The following TMEM184B variants were observed in gnomAD, a reference collection of about 807,000 sequenced individuals.
TMEM184B encodes putative MAPK-activating protein FM08.
A neutral mutation model predicts 41.8 loss-of-function variants in TMEM184B; 17 were observed. The ratio of observed to expected loss-of-function variants is 0.41; its 90% CI spans 0.28 to 0.61. TMEM184B has a LOEUF of 0.61. Ranked by LOEUF, TMEM184B falls within the 20% of genes least tolerant of loss-of-function variation. The pLI is 0.34. For synonymous variants in TMEM184B, 240 were observed against 229.5 expected (o/e 1.05, Z -0.41); for missense variants, 393 against 557.8 (o/e 0.70, Z 2.98).
At chr22:38,243,631 A>T (rs959615356) in intron 3 of TMEM184B, among the ~76,000 whole-genome samples, 4 of 152,114 alleles carry the variant, frequency 2.6e-5, no homozygotes, top group Admixed American at 6.6e-5. Flanking sequence ...CCAGAGCCCC[A>T]GTTAAGCCCT....
chr22:38,257,724 C>T (rs1212716746), intron 1 of TMEM184B, among the ~76,000 whole-genome samples: 1 of 152,084 alleles, frequency 6.6e-6, no homozygotes. Context: ...AAGTAATATA[C>T]GTGTATACTT....
At chr22:38,272,603 G>A (rs1272350083) in intron 1 of TMEM184B, 2 of 985,566 alleles carry the variant, frequency 2.0e-6, no homozygotes, top group Non-Finnish European at 2.4e-6. Context: ...CCCCGGACAG[G>A]TCCGATTACA....
At chr22:38,238,930 G>A (rs1050542283) in intron 3 of TMEM184B, among the ~76,000 whole-genome samples, 12 of 152,230 alleles carry the variant, frequency 7.9e-5, no homozygotes, top group Admixed American at 2.6e-4. Context: ...CTTGGGAGGT[G>A]AGAATGAGCT....
intron 1 of TMEM184B, among the ~76,000 whole-genome samples, chr22:38,250,178 C>G (rs578038424): frequency 6.6e-6 from 1 of 152,208 alleles, no homozygotes; most frequent in East Asian, 1.9e-4. Context: ...TTCCTGGGTG[C>G]GGCGGCCTGC....
intron 3 of TMEM184B, among the ~76,000 whole-genome samples, chr22:38,242,967 C>T (rs959041852): frequency 1.4e-5 from 2 of 145,496 alleles, no homozygotes; most frequent in Non-Finnish European, 1.5e-5. Flanking sequence ...GAGGCTGAGG[C>T]AGGGGAATCA....
intron 1 of TMEM184B, among the ~76,000 whole-genome samples, chr22:38,252,407 A>G (rs1194679112): frequency 1.3e-5 from 2 of 152,198 alleles, no homozygotes; most frequent in African/African-American, 4.8e-5. Context: ...TGCCAGGAAC[A>G]TGACAGAGGG....
intron 3 of TMEM184B, among the ~76,000 whole-genome samples, chr22:38,237,872 T>G (rs2091815903): frequency 6.6e-6 from 1 of 151,504 alleles, no homozygotes; most frequent in South Asian, 2.1e-4. Flanking sequence ...AATGGCGCGA[T>G]CTCACTGCAA....
chr22:38,219,840 C>T lies in TMEM184B; in HGVS notation c.*1629G>A. The T allele has an allele frequency of 1.0e-6, 1 of 985,456 alleles. No individual in the cohort carries two copies. The highest frequency in any genetic ancestry group is 4.7e-5 in the South Asian group (1 of 21,286). The allele number at this position is 985,456 out of a possible 1,614,324, so 61.0% of individuals were successfully genotyped here. A position where few individuals can be genotyped will look rare whatever the true frequency, so the allele number is the denominator to read the frequency against. On this transcript the variant is annotated 3_prime_UTR_variant, in exon 9 of 9. Transcript: ENST00000361906. ...ACCCTCCCGGGCAGCTTGGGCCCAACTGCTCCGCCCCCCCAAGATGGAGGG... is the reference window on the plus strand; with the variant it reads ...ACCCTCCCGGGCAGCTTGGGCCCAATTGCTCCGCCCCCCCAAGATGGAGGG...
chr22:38,226,227 C>G lies in TMEM184B; in HGVS notation c.617+552G>C, dbSNP rs2091434271. Among the ~76,000 whole-genome samples the G allele has an allele frequency of 1.3e-5, 2 of 151,690 alleles. No homozygotes were observed. The highest frequency in any genetic ancestry group is 4.2e-4 in the South Asian group (2 of 4,800). On this transcript the variant is annotated intron_variant, in intron 6 of 8. Coordinates refer to ENST00000361906, the MANE Select transcript of TMEM184B (RefSeq NM_012264.5). The surrounding 1 kb of genome is among the most constrained non-coding windows in gnomAD (Gnocchi z 4.6). ...CCCGAGTAGCTGGGATTATAGGCAC[C>G]CGTCACCACGCCCGGTTAATTTTTT...
intron 1 of TMEM184B, among the ~76,000 whole-genome samples, chr22:38,255,527 T>A (rs2092263316): frequency 6.6e-6 from 1 of 152,216 alleles, no homozygotes; most frequent in Admixed American, 6.5e-5. Context: ...GTAATCACTG[T>A]GGACATTTAT....
In TMEM184B at chr22:38,246,248, G is replaced by A. The variant is rs188748689; in HGVS notation, c.193-148C>T. 6.5e-4 allele frequency: 642 copies of A among 993,884 alleles called. 3 individuals carry two copies. Among genetic ancestry groups the A allele is most frequent in the African/African-American group, 5.6e-3 (344 of 61,148 alleles). The allele number at this position is 993,884 out of a possible 1,614,324, so 61.6% of individuals were successfully genotyped here. A position where few individuals can be genotyped will look rare whatever the true frequency, so the allele number is the denominator to read the frequency against. The stretch of plus-strand genomic sequence containing the variant: ...CTCAGAGCCCTGCTCTGCAAAATGC[G>A]GGATGACAGGACTTGCCTCCCAAGG... On this transcript the variant is annotated intron_variant, in intron 2 of 8. Transcript: ENST00000361906.
intron 2 of TMEM184B, among the ~76,000 whole-genome samples, chr22:38,247,524 C>T (rs2092062049): frequency 6.6e-6 from 1 of 152,234 alleles, no homozygotes; most frequent in African/African-American, 2.4e-5. Flanking sequence ...TGTTCCAACC[C>T]ACGAGACAGA....
chr22:38,219,623 C>T lies in TMEM184B; in HGVS notation c.*1846G>A, dbSNP rs1252047972. 6 of 985,374 alleles carry T rather than the reference C, an allele frequency of 6.1e-6. No homozygotes were observed. Among genetic ancestry groups the T allele is most frequent in the Middle Eastern group, 5.2e-4 (1 of 1,936 alleles). The allele number at this position is 985,374 out of a possible 1,614,324, so 61.0% of individuals were successfully genotyped here. A position where few individuals can be genotyped will look rare whatever the true frequency, so the allele number is the denominator to read the frequency against. Reference sequence around the variant, plus strand: ...TTCCCGTCCCCACGACCCCACGGACCGCTGATTCCCTGCCACTGAGCTCCC... The same window carrying T: ...TTCCCGTCCCCACGACCCCACGGACTGCTGATTCCCTGCCACTGAGCTCCC... On this transcript the variant is annotated 3_prime_UTR_variant, in exon 9 of 9. Transcript: ENST00000361906.
At chr22:38,224,609 C>T (rs973835256) in intron 8 of TMEM184B, among the ~76,000 whole-genome samples, 176 bp downstream of exon 8, 5 of 152,184 alleles carry the variant, frequency 3.3e-5, no homozygotes, top group African/African-American at 4.8e-5. Context: ...CCGAATCGGT[C>T]GTGCTGGTGG....
chr22:38,269,464 C>A (rs781752621), intron 1 of TMEM184B, among the ~76,000 whole-genome samples: 1 of 152,148 alleles, frequency 6.6e-6, no homozygotes, highest in Non-Finnish European at 1.5e-5. Flanking sequence ...GACCTGCCCA[C>A]CTCAGCCTCC....
intron 3 of TMEM184B, 47 bp downstream of exon 3, chr22:38,245,888 G>GCCCCCCCACCCCC: frequency 1.8e-6 from 1 of 545,870 alleles, no homozygotes; most frequent in Non-Finnish European, 3.4e-6. Flanking sequence ...GGGGCTCCCA[G>GCCCCCCCACCCCC]CCCCCCAGCC....
rs927186260 is a variant in TMEM184B at position 38,226,774 on chromosome 22, C to T, written c.617+5G>A. The T allele has an allele frequency of 6.3e-7, 1 of 1,594,758 alleles. No homozygotes were observed. The highest frequency in any genetic ancestry group is 1.3e-5 in the African/African-American group (1 of 74,666). On this transcript the variant is annotated splice_donor_5th_base_variant and intron_variant, in intron 6 of 8. Transcript: ENST00000361906. This position sits in a 1 kb window ranked among gnomAD's most constrained non-coding sequence, Gnocchi z 4.6. ...CACACACCCCGGGGAGCACCCGCTG[C>T]TTACTCAAAGTCCCCATCCCGGTAC...
At chr22:38,234,577 A>T (rs2145619330) in intron 3 of TMEM184B, among the ~76,000 whole-genome samples, 1 of 152,304 alleles carries the variant, frequency 6.6e-6, no homozygotes, top group East Asian at 1.9e-4. Flanking sequence ...TGGTAAGTGG[A>T]ATACAGATAA....
intron 3 of TMEM184B, among the ~76,000 whole-genome samples, chr22:38,238,905 A>G (rs1338173993): frequency 6.6e-6 from 1 of 152,246 alleles, no homozygotes; most frequent in Non-Finnish European, 1.5e-5. Flanking sequence ...GATAATATAT[A>G]TACTCTGCCA....
Sources: gnomAD v4.1 joint callset for allele counts (sites outside exome capture counted in the v4.1 genomes callset) on GRCh38, gnomAD v4.1.1 for gene constraint, Gnocchi (gnomAD v3.1) non-coding constraint, MANE v1.5 for transcripts, NCBI Gene and HGNC (gene_info 2026-07-23, HGNC 2026-07-21) for gene names.